CTNND1: variants seen among roughly 807,000 people sequenced by gnomAD.
CTNND1 encodes the protein catenin delta 1, also known as catenin delta-1.
CTNND1 carries 16 observed loss-of-function variants against 112.1 expected under a neutral mutation model. The observed-to-expected ratio is 0.14, with a 90% CI of 0.10 to 0.22. The LOEUF is 0.22. CTNND1 is among the 10% of genes least tolerant of loss of function. The pLI is 1.00. For missense variants in CTNND1, 1,008 were observed against 1,257.0 expected, an observed-to-expected ratio of 0.80 and a Z score of 3.00; for synonymous variants, 420 against 446.5, an observed-to-expected ratio of 0.94 and a Z score of 0.75.
intron 1 of CTNND1, among the ~76,000 whole-genome samples, chr11:57,772,183 C>T (rs887499499): frequency 1.3e-5 from 2 of 151,048 alleles, no homozygotes; most frequent in Non-Finnish European, 2.9e-5. Context: ...CTGCCTGCCT[C>T]GCCCTCCCAA....
intron 1 of CTNND1, among the ~76,000 whole-genome samples, chr11:57,778,300 A>G (rs1212139851): frequency 6.6e-6 from 1 of 152,132 alleles, no homozygotes; most frequent in East Asian, 1.9e-4. Flanking sequence ...GAGGTGGATG[A>G]TAGGGAAGGT....
rs776372397 is a variant in CTNND1 at position 57,808,218 on chromosome 11, A to G, written c.2017A>G (p.Lys673Glu). 8.7e-6 allele frequency: 14 copies of G among 1,613,738 alleles called. No individual in the cohort carries two copies. In the South Asian group the frequency reaches 1.5e-4, roughly 18 times the overall value. Residue 673 changes from lysine (K) to glutamate (E), a missense_variant, in exon 13 of 21, where the codon AAG (lysine) becomes GAG (glutamate). Transcript: ENST00000399050. ...GGTTCGGATATACATCTCACTTCTTAAGGAGAGCAAGACTCCTGCCATCCT... is the reference window on the plus strand; with the variant it reads ...GGTTCGGATATACATCTCACTTCTTGAGGAGAGCAAGACTCCTGCCATCCT... Reference protein sequence around the residue: ...EVVRIYISLLKESKTPAILEA... With the variant: ...EVVRIYISLLEESKTPAILEA...
chr11:57,785,607 C>T (rs985544140), intron 1 of CTNND1, among the ~76,000 whole-genome samples: 2 of 151,764 alleles, frequency 1.3e-5, no homozygotes, highest in Non-Finnish European at 2.9e-5. Context: ...TGGAGTGCAG[C>T]GGCATGATCT....
intron 1 of CTNND1, chr11:57,781,489 A>G (rs2059579041): frequency 6.6e-6 from 1 of 152,146 alleles, no homozygotes; most frequent in South Asian, 2.1e-4. Context: ...GGAAGGAGAA[A>G]GGCATTTGGC....
intron 1 of CTNND1, among the ~76,000 whole-genome samples, chr11:57,774,012 G>GT (rs1191826129): frequency 6.6e-6 from 1 of 152,184 alleles, no homozygotes. Flanking sequence ...CTGGGAGAGA[G>GT]TATGTCTTTT....
At position 57,803,623 on chromosome 11, in the gene CTNND1, A is replaced by G. The variant is rs945863991; in HGVS notation, c.1423A>G (p.Thr475Ala). Residue 475 changes from threonine to alanine, a missense_variant and splice_region_variant, in exon 8 of 21, where the codon ACC becomes GCC. Physicochemically the swap from Thr to Ala is moderately conservative, Grantham distance 58. Coordinates refer to ENST00000399050, the MANE Select transcript of CTNND1 (RefSeq NM_001085458.2). The stretch of plus-strand genomic sequence containing the variant: ...ATCTGATGAATTGTCTCTTCCAGGA[A>G]CCCTGTGGAATCTTTCATCCCATGA... ...DMDLTEVITG[T>A]LWNLSSHDSI... 6.2e-7 allele frequency: 1 copy of G among 1,608,380 alleles called. No homozygotes were observed. Among genetic ancestry groups the G allele is most frequent in the Non-Finnish European group, 8.5e-7 (1 of 1,177,280 alleles).
chr11:57,790,797 A>G (rs2060656360), intron 2 of CTNND1, among the ~76,000 whole-genome samples: 2 of 151,858 alleles, frequency 1.3e-5, no homozygotes, highest in South Asian at 4.2e-4. Flanking sequence ...TGACCTCGTG[A>G]TCCGCCTGCT....
chr11:57,807,560 C>T (rs570782664), intron 12 of CTNND1, among the ~76,000 whole-genome samples: 10 of 139,280 alleles, frequency 7.2e-5, no homozygotes, highest in Non-Finnish European at 1.2e-4. Flanking sequence ...GAGCCAAGAT[C>T]GCGCCACTGC....
At position 57,801,757 on chromosome 11, in the gene CTNND1, G is replaced by C; in HGVS notation, c.981G>C (p.Glu327Asp). The C allele has an allele frequency of 7.4e-6, 12 of 1,613,172 alleles. No individual in the cohort carries two copies. The highest frequency in any genetic ancestry group is 1.1e-5 in the South Asian group (1 of 91,050). Reference protein sequence around the residue: ...RLRSYEDMIGEEVPSDQYYWA... With the variant: ...RLRSYEDMIGDEVPSDQYYWA... ...GGAGCTATGAAGACATGATTGGTGA[G>C]GAGGTGCCATCGGATCAATACTACT... The change falls in exon 7 of 21, where the codon GAG becomes GAC. Residue 327 changes from glutamate (E) to aspartate (D), a missense_variant. By Grantham distance (45) the Glu-to-Asp change is conservative (BLOSUM62 2). Transcript: ENST00000399050.
intron 2 of CTNND1, 29 bp from the exon 3 acceptor site, chr11:57,791,356 C>G: frequency 1.7e-5 from 23 of 1,326,476 alleles, no homozygotes; most frequent in Non-Finnish European, 2.0e-5. Flanking sequence ...GTGACCTTTT[C>G]TCTCCTTTCT....
intron 1 of CTNND1, chr11:57,763,777 C>T (rs1464385440): frequency 1.3e-5 from 2 of 152,132 alleles, no homozygotes; most frequent in African/African-American, 4.8e-5. Flanking sequence ...GTTTCCCACT[C>T]AACCTTTAGG....
Position 57,795,578 on chromosome 11 carries a change from A to G in CTNND1, c.269A>G (p.Asp90Gly). ...TTCTCTTTTCTCTTTTGCATATAGG[A>G]TCACAGTCACCTTCTATATAGCACC... ...FSDLKLNGPQDHSHLLYSTIP... is the reference protein window; with the variant it reads ...FSDLKLNGPQGHSHLLYSTIP... Residue 90 changes from aspartate (D) to glycine (G), a missense_variant and splice_region_variant, in exon 5 of 21, where the codon GAT (aspartate) becomes GGT (glycine). Coordinates refer to ENST00000399050, the MANE Select transcript of CTNND1 (RefSeq NM_001085458.2). The G allele has an allele frequency of 6.2e-7, 1 of 1,609,722 alleles. No homozygotes were observed. Among genetic ancestry groups the G allele is most frequent in the Non-Finnish European group, 8.5e-7 (1 of 1,178,410 alleles).
intron 20 of CTNND1, 123 bp downstream of exon 20, chr11:57,816,124 G>T: frequency 8.8e-7 from 1 of 1,133,046 alleles, no homozygotes; most frequent in Admixed American, 2.2e-5. Flanking sequence ...CATGGGGCTC[G>T]AGGGGTTCTG....
chr11:57,802,958 A>G (rs653889), intron 7 of CTNND1, among the ~76,000 whole-genome samples: 51,370 of 152,010 alleles, frequency 0.34, 9,564 homozygotes, highest in Middle Eastern at 0.43. Context: ...ACTGGCATCT[A>G]GTGAGTAAAG....
rs1423349458 is a variant in CTNND1 at position 57,790,580 on chromosome 11, C to T, written c.-94-805C>T. Among the ~76,000 whole-genome samples, 7 of 103,332 alleles carry T rather than the reference C, an allele frequency of 6.8e-5. No homozygotes were observed. The East Asian group carries it at 9.8e-4, about 15-fold the overall frequency. 67.8% of individuals were successfully genotyped at this position (103,332 alleles called of 152,430 possible). On this transcript the variant is annotated intron_variant, in intron 2 of 20. Coordinates refer to ENST00000399050, the MANE Select transcript of CTNND1 (RefSeq NM_001085458.2). ...TTTTTTTTTTTTTTTTTTTTTGAGA[C>T]GGAGTCTTGCACTGTCGCCTAGGCT... is the stretch of plus-strand genomic sequence containing the variant.
chr11:57,808,077 G>C, intron 12 of CTNND1, 88 bp from the exon 13 acceptor site: 1 of 1,401,734 alleles, frequency 7.1e-7, no homozygotes, highest in Non-Finnish European at 9.7e-7. Flanking sequence ...TCCATCAACT[G>C]AGAGTACTAA....
intron 17 of CTNND1, among the ~76,000 whole-genome samples, chr11:57,813,066 C>T (rs2063559557): frequency 6.6e-6 from 1 of 152,126 alleles, no homozygotes; most frequent in Non-Finnish European, 1.5e-5. Flanking sequence ...TGTAGTGTCT[C>T]ATGCTTATAA....
chr11:57,812,495 G>C (rs1004390018), intron 17 of CTNND1, among the ~76,000 whole-genome samples: 1 of 152,066 alleles, frequency 6.6e-6, no homozygotes, highest in African/African-American at 2.4e-5. Flanking sequence ...ATTCCAGCCA[G>C]GGCGACAGAG....
At chr11:57,789,870 G>A (rs1348641731) in intron 2 of CTNND1, among the ~76,000 whole-genome samples, 2 of 152,160 alleles carry the variant, frequency 1.3e-5, no homozygotes, top group Non-Finnish European at 2.9e-5. Flanking sequence ...GAACTACTGT[G>A]AGGTGCACTT....
Sources: allele counts gnomAD v4.1 joint callset (sites outside exome capture counted in the v4.1 genomes callset), GRCh38; gene constraint gnomAD v4.1.1; transcripts MANE v1.5; gene names NCBI Gene and HGNC (gene_info 2026-07-23, HGNC 2026-07-21).